Variants in AKT3 observed in about 807,000 individuals in gnomAD.
AKT3 encodes the protein RAC-gamma serine/threonine-protein kinase.
AKT3 carries 15 observed loss-of-function variants against 65.3 expected under a neutral mutation model. The ratio of observed to expected loss-of-function variants is 0.23; its 90% CI spans 0.15 to 0.35. AKT3 has a LOEUF of 0.35. Among genes scored for constraint, AKT3 ranks in the 10% least tolerant of loss-of-function variants. The pLI, the probability that AKT3 is intolerant of heterozygous loss-of-function variation, is 1.00. For missense variants in AKT3, 243 were observed against 576.5 expected (o/e 0.42, Z 5.92); for synonymous variants, 206 against 183.8 (o/e 1.12, Z -0.98).
Position 243,563,831 on chromosome 1 carries a change from C to T in AKT3, c.837G>A (p.Leu279=), listed in dbSNP as rs2148488303. ...YRDLKLENLM[L]DKDGHIKITD... Reference sequence around the variant, plus strand: ...TAATTTTTATGTGGCCATCTTTGTCCAGCATTAGATTCTCCAACTGTGTAT... The same window carrying T: ...TAATTTTTATGTGGCCATCTTTGTCTAGCATTAGATTCTCCAACTGTGTAT... Residue 279 remains leucine (L), a synonymous_variant, in exon 10 of 14, where the codon CTG becomes CTA. Coordinates refer to ENST00000673466, the MANE Select transcript of AKT3 (RefSeq NM_005465.7). 6.2e-7 allele frequency: 1 copy of T among 1,612,146 alleles called. No individual in the cohort carries two copies. Among genetic ancestry groups the T allele is most frequent in the African/African-American group, 1.3e-5 (1 of 74,948 alleles).
At chr1:243,499,185 T>C (rs1668856448), downstream of AKT3, among the ~76,000 whole-genome samples, 1 of 152,242 alleles carries the variant, frequency 6.6e-6, no homozygotes, top group Non-Finnish European at 1.5e-5. Context: ...CATTTGTATC[T>C]GCGTAAAACT....
intron 8 of AKT3, among the ~76,000 whole-genome samples, chr1:243,585,521 T>C (rs1426594059): frequency 6.6e-6 from 1 of 152,056 alleles, no homozygotes; most frequent in Admixed American, 6.6e-5. Flanking sequence ...CAAAACAGCA[T>C]GGTACTGTAA....
chr1:243,780,387 A>G (rs1219451001), intron 2 of AKT3, among the ~76,000 whole-genome samples: 15 of 152,004 alleles, frequency 9.9e-5, no homozygotes. Context: ...CTGCATAACC[A>G]TATTATATCA....
intron 2 of AKT3, among the ~76,000 whole-genome samples, chr1:243,796,451 G>C (rs534909351): frequency 3.3e-4 from 50 of 152,322 alleles, no homozygotes; most frequent in Middle Eastern, 6.8e-3. Flanking sequence ...ATGGAAATCA[G>C]ATTAAGTCAC....
At position 243,545,578 on chromosome 1, in the gene AKT3, C is replaced by T; in HGVS notation, c.1183G>A (p.Asp395Asn). ...PNKRLGGGPD[D>N]AKEIMRHSFF... ...CTGTGTCTCATAATTTCTTTTGCAT[C>T]ATCTGGTCCTCCACCAAGGCTATGA... Residue 395 changes from aspartate (D) to asparagine (N), a missense_variant, in exon 12 of 14, where the codon GAT (aspartate) becomes AAT (asparagine). This residue lies in a region of AKT3 where 57 missense variants were observed against 107.6 expected (regional missense o/e 0.53). Coordinates refer to ENST00000673466, the MANE Select transcript of AKT3 (RefSeq NM_005465.7). 2 of 1,612,244 alleles carry T rather than the reference C, an allele frequency of 1.2e-6. No individual in the cohort carries two copies. The highest frequency in any genetic ancestry group is 1.7e-6 in the Non-Finnish European group (2 of 1,178,670).
intron 8 of AKT3, among the ~76,000 whole-genome samples, chr1:243,609,320 T>C (rs1677686105): frequency 1.4e-5 from 2 of 139,902 alleles, no homozygotes; most frequent in African/African-American, 5.3e-5. Context: ...TAAATATAAA[T>C]AACTTTTCAT....
chr1:243,583,837 T>G (rs1196357148), intron 8 of AKT3, among the ~76,000 whole-genome samples: 1 of 152,066 alleles, frequency 6.6e-6, no homozygotes, highest in African/African-American at 2.4e-5. Context: ...AGAGGAAAGT[T>G]GAAAGCACTA....
rs555006845 is a variant in AKT3 at position 243,825,925 on chromosome 1, A to G, written c.46+17200T>C. Among the ~76,000 whole-genome samples the G allele has an allele frequency of 2.4e-4, 36 of 152,304 alleles. No individual in the cohort carries two copies. The South Asian group carries it at 6.8e-3, about 29-fold the overall frequency. Reference sequence around the variant, plus strand: ...GGCAGGCAGAACACCTGAAGTCAAGAGTTCGAGGTCAGCCTAGCCAACATG... The same window carrying G: ...GGCAGGCAGAACACCTGAAGTCAAGGGTTCGAGGTCAGCCTAGCCAACATG... On this transcript the variant is annotated intron_variant, in intron 2 of 13. Coordinates refer to ENST00000673466, the MANE Select transcript of AKT3 (RefSeq NM_005465.7).
intron 2 of AKT3, among the ~76,000 whole-genome samples, chr1:243,748,128 G>A (rs1688592343): frequency 6.6e-6 from 1 of 152,110 alleles, no homozygotes; most frequent in Admixed American, 6.6e-5. Context: ...TTGTTTATAT[G>A]ATTCAGTGGA....
intron 2 of AKT3, among the ~76,000 whole-genome samples, chr1:243,829,696 G>A (rs1477198811): frequency 6.6e-6 from 1 of 152,130 alleles, no homozygotes; most frequent in Non-Finnish European, 1.5e-5. Context: ...ACTAGAAAGA[G>A]TAACACCCAG....
intron 4 of AKT3, among the ~76,000 whole-genome samples, chr1:243,660,328 C>T (rs949884952): frequency 2.0e-5 from 3 of 151,720 alleles, no homozygotes; most frequent in Admixed American, 6.6e-5. Flanking sequence ...GTGGTGATAT[C>T]GAATCCAGCA....
At chr1:243,649,251 T>C (rs978585484) in intron 4 of AKT3, among the ~76,000 whole-genome samples, 1 of 151,984 alleles carries the variant, frequency 6.6e-6, no homozygotes. Flanking sequence ...ATACACCATA[T>C]AACTTTCATC....
chr1:243,765,102 G>C (rs770900302), intron 2 of AKT3, among the ~76,000 whole-genome samples: 2 of 151,944 alleles, frequency 1.3e-5, no homozygotes, highest in Admixed American at 1.3e-4. Flanking sequence ...AGGGTAAAGA[G>C]AAAAATACCT....
intron 2 of AKT3, among the ~76,000 whole-genome samples, chr1:243,778,920 C>CT (rs60460562): frequency 0.22 from 33,336 of 149,738 alleles, 3,940 homozygotes; most frequent in East Asian, 0.34. Flanking sequence ...TCTTCCGATT[C>CT]TTTTTTTTTT....
intron 4 of AKT3, among the ~76,000 whole-genome samples, chr1:243,647,043 C>T (rs1482440257): frequency 6.6e-6 from 1 of 152,170 alleles, no homozygotes; most frequent in Non-Finnish European, 1.5e-5. Context: ...TTTGGGAAAA[C>T]TACCATCGTA....
intron 8 of AKT3, among the ~76,000 whole-genome samples, chr1:243,603,902 T>TC (rs1042883382): frequency 6.6e-6 from 1 of 151,152 alleles, no homozygotes; most frequent in African/African-American, 2.4e-5. Flanking sequence ...ATCTTTTTTT[T>TC]TTTTTTTTTT....
downstream of AKT3, among the ~76,000 whole-genome samples, chr1:243,497,624 CTCA>C (rs1266899213): frequency 2.0e-5 from 3 of 152,168 alleles, no homozygotes; most frequent in African/African-American, 7.2e-5. Context: ...ATTATGTAGA[CTCA>C]TCATGAGAAA....
At chr1:243,753,435 T>C (rs1266467028) in intron 2 of AKT3, among the ~76,000 whole-genome samples, 2 of 152,046 alleles carry the variant, frequency 1.3e-5, no homozygotes, top group Non-Finnish European at 2.9e-5. Flanking sequence ...TCTCAAAATC[T>C]AGTATCTTCA....
intron 2 of AKT3, among the ~76,000 whole-genome samples, chr1:243,742,938 C>G (rs1262180762): frequency 1.3e-5 from 2 of 151,836 alleles, no homozygotes; most frequent in Non-Finnish European, 2.9e-5. Context: ...CAAACACTAG[C>G]TTATTACATA....
Sources: allele counts gnomAD v4.1 joint callset (sites outside exome capture counted in the v4.1 genomes callset), GRCh38; gene constraint gnomAD v4.1.1; regional missense constraint gnomAD v4.1.1; transcripts MANE v1.5; gene names NCBI Gene and HGNC (gene_info 2026-07-23, HGNC 2026-07-21).